UMODL1: variants seen among roughly 807,000 people sequenced by gnomAD.
UMODL1 encodes uromodulin-like 1.
Under a neutral mutation model 136.3 loss-of-function variants are expected in UMODL1, and 128 were observed. The ratio of observed to expected loss-of-function variants is 0.94; its 90% confidence interval spans 0.81 to 1.09. The LOEUF (loss-of-function observed/expected upper bound fraction) is 1.09, where lower values mean the gene tolerates loss of function less well. Ranked by LOEUF, UMODL1 falls within the 50% of genes least tolerant of loss-of-function variation. UMODL1 has a pLI of 0.00. For missense variants in UMODL1, 1,766 were observed against 1,725.6 expected (o/e 1.02, Z -0.41); for synonymous variants, 721 against 720.0 (o/e 1.00, Z -0.02).
Position 42,076,034 on chromosome 21 carries a change from C to G in UMODL1, c.106C>G (p.Leu36Val). ...AGGCCTCTCCCTGTTGGGCTACCAG[C>G]TATGCAGCCACCGTGTGACCCACAC... Reference protein sequence around the residue: ...EKGLSLLGYQLCSHRVTHTVQ... With the variant: ...EKGLSLLGYQVCSHRVTHTVQ... The change falls in exon 2 of 23, where the codon CTA (leucine) becomes GTA (valine). Residue 36 changes from leucine to valine, a missense_variant. By Grantham distance (32) the Leu-to-Val change is conservative. Transcript: ENST00000408910. 1 of 1,614,222 alleles carries G rather than the reference C, an allele frequency of 6.2e-7. No homozygotes were observed. Among genetic ancestry groups the G allele is most frequent in the Non-Finnish European group, 8.5e-7 (1 of 1,180,024 alleles).
chr21:42,113,435 C>G (rs1476703877), intron 12 of UMODL1, 138 bp from the exon 13 acceptor site: 2 of 1,044,888 alleles, frequency 1.9e-6, no homozygotes, highest in African/African-American at 3.2e-5. Context: ...ATCCTACTCA[C>G]CCATCACCTC....
At chr21:42,109,470 C>T (rs948080048) in intron 9 of UMODL1, 92 bp from the exon 10 acceptor site, 69 of 1,552,340 alleles carry the variant, frequency 4.4e-5, no homozygotes, top group South Asian at 1.6e-4. Context: ...ACTGCAAAGA[C>T]GGCTAGGAAG....
chr21:42,077,964 G>A (rs1601178819), intron 2 of UMODL1, among the ~76,000 whole-genome samples: 2 of 152,178 alleles, frequency 1.3e-5, no homozygotes, highest in East Asian at 3.9e-4. Context: ...CCCTCCCTCA[G>A]CCCCCAGTGC....
At chr21:42,114,865 G>A (rs1045284847) in intron 13 of UMODL1, among the ~76,000 whole-genome samples, 1 of 152,168 alleles carries the variant, frequency 6.6e-6, no homozygotes, top group Non-Finnish European at 1.5e-5. Context: ...CAGGCTGCAC[G>A]GGGGACCCCA....
chr21:42,127,866 G>C, intron 20 of UMODL1, 35 bp downstream of exon 20: 2 of 1,608,504 alleles, frequency 1.2e-6, no homozygotes, highest in Non-Finnish European at 1.7e-6. Context: ...CGTTTGGTTG[G>C]ATTCACGTTC....
chr21:42,111,157 GGGGAGCCCCAGCCAGGTGAACCCCAGC>G, intron 11 of UMODL1, 36 bp downstream of exon 11: 1 of 1,588,804 alleles, frequency 6.3e-7, no homozygotes, highest in Non-Finnish European at 8.6e-7. Flanking sequence ...GGATGGACCA[GGGGAGCCCCAGCCAGGTGAACCCCAGC>G]CAGGGGAGCC....
At position 42,076,131 on chromosome 21, in the gene UMODL1, G is replaced by A. The variant is rs905478345; in HGVS notation, c.203G>A (p.Arg68Lys). ...TCCTGCGGCGGCTGGATCCCCTGGAGGCGGTGCCCTAAGATGGTTTACCGG... is the reference window on the plus strand; with the variant it reads ...TCCTGCGGCGGCTGGATCCCCTGGAAGCGGTGCCCTAAGATGGTTTACCGG... ...YVSCGGWIPWRRCPKMVYRTQ... is the reference protein window; with the variant it reads ...YVSCGGWIPWKRCPKMVYRTQ... The change falls in exon 2 of 23, where the codon AGG becomes AAG. Residue 68 changes from arginine to lysine, a missense_variant. Physicochemically the swap from Arg to Lys is conservative, Grantham distance 26. Transcript: ENST00000408910. 1.9e-6 allele frequency: 3 copies of A among 1,614,266 alleles called. No individual in the cohort carries two copies. The highest frequency in any genetic ancestry group is 2.5e-6 in the Non-Finnish European group (3 of 1,180,048).
chr21:42,088,219 C>T, intron 4 of UMODL1, 75 bp from the exon 5 acceptor site: 2 of 1,515,544 alleles, frequency 1.3e-6, no homozygotes, highest in Non-Finnish European at 9.0e-7. Flanking sequence ...CATTTCAGCT[C>T]TGCGGGCCTC....
At chr21:42,131,222 CT>C (rs912581336) in intron 21 of UMODL1, among the ~76,000 whole-genome samples, 3 of 152,098 alleles carry the variant, frequency 2.0e-5, no homozygotes, top group African/African-American at 7.2e-5. Context: ...GTTGGTTTTC[CT>C]TTTTTTGTTG....
Position 42,099,179 on chromosome 21 carries a change from C to A in UMODL1, c.1185C>A (p.Thr395=), listed in dbSNP as rs749406089. The change falls in exon 7 of 23, where the codon ACC becomes ACA. Residue 395 remains threonine, a splice_region_variant and synonymous_variant. Transcript: ENST00000408910. This position sits in a 1 kb window ranked among gnomAD's most constrained non-coding sequence, Gnocchi z 4.1. ...TCTCCACCACGCTGACCATCAAAAC[C>A]AGTAAGGCCCCCAGTCAGAGACCCA... The part of the protein sequence containing the change: ...ADVSTTLTIK[T]NAQVFEVTIK... 4.3e-6 allele frequency: 7 copies of A among 1,610,434 alleles called. No individual in the cohort carries two copies. In the East Asian group the frequency reaches 8.9e-5, roughly 21 times the overall value.
intron 9 of UMODL1, among the ~76,000 whole-genome samples, chr21:42,108,877 G>GT (rs1250716757): frequency 1.4e-4 from 9 of 63,088 alleles, no homozygotes; most frequent in African/African-American, 4.0e-4. Flanking sequence ...CCCCACCCCC[G>GT]GCGTGGGAAG....
At chr21:42,088,193 G>A (rs1314495869) in intron 4 of UMODL1, 101 bp from the exon 5 acceptor site, 4 of 1,235,688 alleles carry the variant, frequency 3.2e-6, no homozygotes, top group South Asian at 1.4e-5. Flanking sequence ...AGAATGGTAC[G>A]TGTGTGTGGA....
chr21:42,108,624 C>A, intron 9 of UMODL1: 3 of 338,140 alleles, frequency 8.9e-6, no homozygotes, highest in South Asian at 6.9e-5. Context: ...CACCTCCACC[C>A]GCAGCTCTAC....
intron 6 of UMODL1, among the ~76,000 whole-genome samples, chr21:42,095,507 A>T (rs2066547744): frequency 6.6e-6 from 1 of 151,734 alleles, no homozygotes; most frequent in South Asian, 2.1e-4. Flanking sequence ...ATTCTCTTTT[A>T]TAAGGACACT....
chr21:42,077,067 G>C (rs1045757950), intron 2 of UMODL1, among the ~76,000 whole-genome samples: 1 of 133,904 alleles, frequency 7.5e-6, no homozygotes, highest in Non-Finnish European at 1.6e-5. Context: ...GTGTGTGTGT[G>C]GTGGCTGCTA....
chr21:42,073,855 T>C (rs892981395), intron 1 of UMODL1, among the ~76,000 whole-genome samples: 1 of 152,294 alleles, frequency 6.6e-6, no homozygotes, highest in Non-Finnish European at 1.5e-5. Context: ...TCAACTGTAA[T>C]ACTGAGCCCC....
At chr21:42,092,903 C>T (rs1216210374) in intron 6 of UMODL1, among the ~76,000 whole-genome samples, 1 of 151,920 alleles carries the variant, frequency 6.6e-6, no homozygotes, top group Non-Finnish European at 1.5e-5. Context: ...AGGTGATTTT[C>T]TTGCATAAGA....
At chr21:42,115,850 T>C (rs2066894543) in intron 13 of UMODL1, 23 bp from the exon 14 acceptor site, 2 of 1,568,558 alleles carry the variant, frequency 1.3e-6, no homozygotes, top group Non-Finnish European at 1.8e-6. Flanking sequence ...CAATTCCAAA[T>C]GTGCTTATCC....
intron 2 of UMODL1, among the ~76,000 whole-genome samples, chr21:42,082,967 G>A (rs2066380252): frequency 6.6e-6 from 1 of 152,156 alleles, no homozygotes; most frequent in African/African-American, 2.4e-5. Context: ...CTGCAGCCTT[G>A]GCTGAGGTCT....
Sources: gnomAD v4.1 joint callset for allele counts (sites outside exome capture counted in the v4.1 genomes callset) on GRCh38, gnomAD v4.1.1 for gene constraint, Gnocchi (gnomAD v3.1) non-coding constraint, MANE v1.5 for transcripts, NCBI Gene and HGNC (gene_info 2026-07-23, HGNC 2026-07-21) for gene names.